Variants in PPP1R9A observed in about 807,000 individuals in gnomAD.
PPP1R9A encodes neurabin-1.
PPP1R9A carries 59 observed loss-of-function variants against 141.9 expected under a neutral mutation model. The ratio of observed to expected loss-of-function variants is 0.42; its 90% CI spans 0.34 to 0.52. The LOEUF (loss-of-function observed/expected upper bound fraction) is 0.52, where lower values mean the gene tolerates loss of function less well. Among genes scored for constraint, PPP1R9A ranks in the 20% least tolerant of loss-of-function variants. The pLI is 0.10. For synonymous variants in PPP1R9A, 500 were observed against 569.7 expected, an observed-to-expected ratio of 0.88 and a Z score of 1.74; for missense variants, 1,444 against 1,611.9, an observed-to-expected ratio of 0.90 and a Z score of 1.78.
At chr7:95,196,993 G>A (rs968075293) in intron 5 of PPP1R9A, among the ~76,000 whole-genome samples, 1 of 151,984 alleles carries the variant, frequency 6.6e-6, no homozygotes, top group East Asian at 1.9e-4. Context: ...AAAGATAAGT[G>A]AACACTTAAA....
At chr7:95,213,305 T>A (rs1792529908) in intron 7 of PPP1R9A, among the ~76,000 whole-genome samples, 1 of 150,176 alleles carries the variant, frequency 6.7e-6, no homozygotes. Context: ...GGTTGTACTA[T>A]CTTTCTTTCT....
At chr7:94,966,441 T>C (rs533625129) in intron 2 of PPP1R9A, among the ~76,000 whole-genome samples, 1 of 152,290 alleles carries the variant, frequency 6.6e-6, no homozygotes, top group South Asian at 2.1e-4. Flanking sequence ...GATTATGATA[T>C]TGACTGTGGG....
intron 5 of PPP1R9A, among the ~76,000 whole-genome samples, chr7:95,196,316 A>G (rs775327028): frequency 1.1e-4 from 17 of 152,314 alleles, no homozygotes; most frequent in Non-Finnish European, 2.4e-4. Flanking sequence ...ATTTTTAAAG[A>G]CAGTACTAAG....
intron 8 of PPP1R9A, among the ~76,000 whole-genome samples, chr7:95,243,443 T>A (rs1465635072): frequency 6.6e-6 from 1 of 152,158 alleles, no homozygotes; most frequent in Non-Finnish European, 1.5e-5. Context: ...CTAAGCTTCA[T>A]TAATAATAAC....
intron 7 of PPP1R9A, among the ~76,000 whole-genome samples, chr7:95,221,023 A>G (rs998153995): frequency 2.6e-5 from 4 of 152,202 alleles, no homozygotes; most frequent in Admixed American, 1.3e-4. Context: ...AGAAATGACC[A>G]ATTTGCTTAT....
intron 2 of PPP1R9A, among the ~76,000 whole-genome samples, chr7:95,048,437 G>A (rs1810332655): frequency 6.6e-6 from 1 of 152,130 alleles, no homozygotes; most frequent in Non-Finnish European, 1.5e-5. Flanking sequence ...TCTTGGAAGA[G>A]CAAGTAATTG....
intron 2 of PPP1R9A, among the ~76,000 whole-genome samples, chr7:95,100,917 A>G (rs1584688956): frequency 8.3e-6 from 1 of 120,822 alleles, no homozygotes; most frequent in East Asian, 2.5e-4. Flanking sequence ...CAGTGGCGGG[A>G]TCTCGGCTCA....
intron 2 of PPP1R9A, among the ~76,000 whole-genome samples, chr7:94,999,819 T>TTATTTAGA (rs1802660476): frequency 2.7e-5 from 4 of 146,854 alleles, no homozygotes; most frequent in Admixed American, 6.8e-5. Flanking sequence ...ATTTATTTAT[T>TTATTTAGA]TAGATAGAGT....
intron 2 of PPP1R9A, among the ~76,000 whole-genome samples, chr7:95,005,151 G>A (rs1438096168): frequency 6.6e-6 from 1 of 151,832 alleles, no homozygotes; most frequent in Non-Finnish European, 1.5e-5. Context: ...CCTGATGAAA[G>A]GTAAATGATT....
chr7:95,178,428 AG>A (rs1049353112), intron 5 of PPP1R9A, among the ~76,000 whole-genome samples: 2 of 152,154 alleles, frequency 1.3e-5, no homozygotes, highest in African/African-American at 4.8e-5. Context: ...TACATCAAAA[AG>A]ACTGAAAGAG....
intron 4 of PPP1R9A, among the ~76,000 whole-genome samples, chr7:95,145,807 A>C (rs1463688340): frequency 6.6e-6 from 1 of 152,166 alleles, no homozygotes; most frequent in Non-Finnish European, 1.5e-5. Flanking sequence ...AGCTTCATCC[A>C]TGTCCCTGCA....
intron 10 of PPP1R9A, among the ~76,000 whole-genome samples, 185 bp from the exon 11 acceptor site, chr7:95,251,577 G>T (rs1463016462): frequency 6.6e-6 from 1 of 152,074 alleles, no homozygotes; most frequent in Admixed American, 6.6e-5. Flanking sequence ...ATTTTTCTTT[G>T]CCTTGTGACC....
intron 2 of PPP1R9A, among the ~76,000 whole-genome samples, chr7:94,950,653 AT>A (rs1796367185): frequency 6.6e-6 from 1 of 152,084 alleles, no homozygotes; most frequent in South Asian, 2.1e-4. Context: ...TAATATATTT[AT>A]TATATAATTA....
At chr7:95,284,531 GA>G (rs918343470) in intron 17 of PPP1R9A, among the ~76,000 whole-genome samples, 18 of 152,170 alleles carry the variant, frequency 1.2e-4, no homozygotes, top group African/African-American at 4.3e-4. Flanking sequence ...TCATAGAACA[GA>G]ATGATAGATC....
intron 2 of PPP1R9A, among the ~76,000 whole-genome samples, chr7:94,942,083 G>GA (rs542672288): frequency 6.6e-6 from 1 of 151,238 alleles, no homozygotes; most frequent in Admixed American, 6.6e-5. Context: ...ATGAGGTTAG[G>GA]AAAAAAAAGA....
intron 2 of PPP1R9A, among the ~76,000 whole-genome samples, chr7:95,070,610 TACAC>T (rs1425064497): frequency 3.2e-5 from 3 of 94,082 alleles, no homozygotes; most frequent in African/African-American, 9.4e-5. Context: ...TATATATATA[TACAC>T]ACACACACAC....
intron 2 of PPP1R9A, among the ~76,000 whole-genome samples, chr7:94,951,026 G>A (rs1796415997): frequency 6.6e-6 from 1 of 152,054 alleles, no homozygotes; most frequent in Non-Finnish European, 1.5e-5. Context: ...GGGATTACAG[G>A]TAATCACCTG....
chr7:95,255,106 A>C (rs1272652109), intron 12 of PPP1R9A, among the ~76,000 whole-genome samples: 2 of 152,014 alleles, frequency 1.3e-5, no homozygotes, highest in Non-Finnish European at 2.9e-5. Flanking sequence ...CTTGTGTTCC[A>C]GGAAAGGAAA....
At chr7:95,231,522 A>G (rs1302314382) in intron 8 of PPP1R9A, among the ~76,000 whole-genome samples, 1 of 152,182 alleles carries the variant, frequency 6.6e-6, no homozygotes, top group Non-Finnish European at 1.5e-5. Context: ...CAGTAAATTT[A>G]AGAAAATTGA....
Sources: allele counts gnomAD v4.1 joint callset (sites outside exome capture counted in the v4.1 genomes callset), GRCh38; gene constraint gnomAD v4.1.1; transcripts MANE v1.5; gene names NCBI Gene and HGNC (gene_info 2026-07-23, HGNC 2026-07-21).